RP2: variants seen among roughly 807,000 people sequenced by gnomAD.
The protein encoded by RP2 is protein XRP2.
In RP2, 3 loss-of-function variants were observed where a neutral mutation model predicts 20.3. That is an observed-to-expected ratio of 0.15 (90% CI 0.07 to 0.38). RP2 has a LOEUF of 0.38. Ranked by LOEUF, RP2 falls within the 10% of genes least tolerant of loss-of-function variation. The pLI, the probability that RP2 is intolerant of heterozygous loss-of-function variation, is 1.00. For missense variants in RP2, 233 were observed against 268.5 expected, an observed-to-expected ratio of 0.87 and a Z score of 0.92; for synonymous variants, 75 against 94.8, an observed-to-expected ratio of 0.79 and a Z score of 1.22.
intron 1 of RP2, among the ~76,000 whole-genome samples, chrX:46,837,984 G>A (rs782083352): frequency 2.7e-5 from 3 of 111,892 alleles, no homozygotes; most frequent in African/African-American, 9.7e-5. Context: ...AAACACACTC[G>A]GTCATACATT....
chrX:46,840,638 A>C (rs1348784258), intron 1 of RP2, among the ~76,000 whole-genome samples: 3 of 112,436 alleles, frequency 2.7e-5, no homozygotes, highest in Non-Finnish European at 3.8e-5. Context: ...AACACCAAGT[A>C]AGTCTCAAAA....
intron 1 of RP2, among the ~76,000 whole-genome samples, chrX:46,847,792 G>GTA (rs1569531406): frequency 1.5e-4 from 14 of 94,734 alleles, no homozygotes; most frequent in African/African-American, 2.0e-4. Flanking sequence ...ACACACATGT[G>GTA]TGTGTGTATA....
chrX:46,849,801 T>C (rs782254602), intron 1 of RP2, among the ~76,000 whole-genome samples: 14 of 111,875 alleles, frequency 1.3e-4, no homozygotes, highest in Non-Finnish European at 2.3e-4. Flanking sequence ...ATGGACTGAA[T>C]GTTTGTCAAA....
rs782496079 is a variant in RP2, at chrX:46,837,277, T to G, written c.102+75T>G. On this transcript the variant is annotated intron_variant, in intron 1 of 4. Coordinates refer to ENST00000218340, the MANE Select transcript of RP2 (RefSeq NM_006915.3). The stretch of plus-strand genomic sequence containing the variant: ...CAGGTCCCTTACGGCCCGGGACCGC[T>G]GAGGGGGCCGACCCAACTGCTGCCG... 3.9e-5 allele frequency: 39 copies of G among 1,001,123 alleles called. 1 individual carries two copies. In the South Asian group the frequency reaches 7.5e-4, roughly 19 times the overall value. The allele number at this position is 1,001,123 out of a possible 1,213,427, so 82.5% of individuals were successfully genotyped here.
At chrX:46,855,160 G>C (rs781842653) in intron 2 of RP2, among the ~76,000 whole-genome samples, 1 of 110,872 alleles carries the variant, frequency 9.0e-6, no homozygotes, top group Non-Finnish European at 1.9e-5. Context: ...TGCCATAGAA[G>C]GGAGCTTGAT....
intron 3 of RP2, among the ~76,000 whole-genome samples, chrX:46,866,202 C>T (rs1358076680): frequency 9.0e-6 from 1 of 111,596 alleles, no homozygotes; most frequent in Non-Finnish European, 1.9e-5. Context: ...CTCCAAGGAA[C>T]GCTGGTTTCT....
intron 3 of RP2, among the ~76,000 whole-genome samples, chrX:46,876,127 A>AT (rs201768479): frequency 6.1e-4 from 65 of 106,644 alleles, no homozygotes; most frequent in African/African-American, 1.5e-3. Flanking sequence ...CCCCATATCT[A>AT]TTTTTTTTTT....
At chrX:46,847,836 ATG>A (rs1254535868) in intron 1 of RP2, among the ~76,000 whole-genome samples, 2 of 98,821 alleles carry the variant, frequency 2.0e-5, no homozygotes, top group African/African-American at 3.7e-5. Flanking sequence ...ATGTGTATAT[ATG>A]TGTGTATATA....
chrX:46,856,962 G>A (rs1359413573), intron 2 of RP2, among the ~76,000 whole-genome samples: 3 of 111,902 alleles, frequency 2.7e-5, no homozygotes, highest in Non-Finnish European at 3.8e-5. Flanking sequence ...AGGGAAATAT[G>A]TATAGAAGCT....
intron 3 of RP2, among the ~76,000 whole-genome samples, chrX:46,868,732 G>A (rs1214750568): frequency 9.7e-6 from 1 of 102,814 alleles, no homozygotes; most frequent in Non-Finnish European, 2.0e-5. Flanking sequence ...GTTGCAGTGA[G>A]CCAAGATCGC....
rs138024658 is a variant in RP2, at chrX:46,853,879, A to G, written c.506A>G (p.Asn169Ser). Residue 169 changes from asparagine to serine, a missense_variant, in exon 2 of 5, where the codon AAT becomes AGT. By Grantham distance (46) the Asn-to-Ser change is conservative. Coordinates refer to ENST00000218340, the MANE Select transcript of RP2 (RefSeq NM_006915.3). ...FKDAGLSIFN[N>S]TWSNIHDFTP... ...GATGCAGGGCTAAGTATCTTCAACA[A>G]TACATGGAGTAACATTCATGACTTT... 4.1e-5 allele frequency: 50 copies of G among 1,210,100 alleles called. No individual in the cohort carries two copies. Among genetic ancestry groups the G allele is most frequent in the Non-Finnish European group, 5.4e-5 (48 of 895,296 alleles).
At chrX:46,858,459 T>C (rs1465873134) in intron 2 of RP2, among the ~76,000 whole-genome samples, 1 of 110,873 alleles carries the variant, frequency 9.0e-6, no homozygotes, top group African/African-American at 3.3e-5. Context: ...AATTAAGTGG[T>C]TGGAATATGA....
intron 3 of RP2, among the ~76,000 whole-genome samples, chrX:46,860,540 G>A (rs1280784907): frequency 3.6e-5 from 4 of 112,018 alleles, no homozygotes; most frequent in African/African-American, 1.3e-4. Context: ...TATTTAATAT[G>A]ATTGATTAAC....
At chrX:46,877,684 T>C in intron 4 of RP2, 94 bp downstream of exon 4, 1 of 631,489 alleles carries the variant, frequency 1.6e-6, no homozygotes. Flanking sequence ...TTGTCCCTAA[T>C]GTTGCTTGGA....
chrX:46,838,055 A>G, intron 1 of RP2, among the ~76,000 whole-genome samples: 1 of 112,565 alleles, frequency 8.9e-6, no homozygotes, highest in Non-Finnish European at 1.9e-5. Flanking sequence ...ACTTTGATGG[A>G]CTTATCAATT....
intron 2 of RP2, among the ~76,000 whole-genome samples, chrX:46,856,147 TACAA>T (rs1381369740): frequency 9.0e-6 from 1 of 111,696 alleles, no homozygotes; most frequent in South Asian, 3.7e-4. Flanking sequence ...AAAAAAAAAC[TACAA>T]ACAGTTTTCA....
At chrX:46,848,056 G>A (rs1924789632) in intron 1 of RP2, among the ~76,000 whole-genome samples, 2 of 105,099 alleles carry the variant, frequency 1.9e-5, no homozygotes, top group Non-Finnish European at 3.9e-5. Flanking sequence ...ACCCTTATGG[G>A]GTTTTTATGG....
intron 1 of RP2, among the ~76,000 whole-genome samples, chrX:46,845,835 C>T (rs1358728829): frequency 9.1e-6 from 1 of 110,477 alleles, no homozygotes; most frequent in Non-Finnish European, 1.9e-5. Context: ...ACAATCTTGG[C>T]GCACTGCAGC....
At chrX:46,865,711 C>T (rs988939331) in intron 3 of RP2, among the ~76,000 whole-genome samples, 2 of 112,059 alleles carry the variant, frequency 1.8e-5, no homozygotes, top group Admixed American at 9.4e-5. Flanking sequence ...AGGCGGATCA[C>T]GAGGTCAAGA....
Sources: gnomAD v4.1 joint callset for allele counts (sites outside exome capture counted in the v4.1 genomes callset) on GRCh38, gnomAD v4.1.1 for gene constraint, MANE v1.5 for transcripts, NCBI Gene and HGNC (gene_info 2026-07-23, HGNC 2026-07-21) for gene names.